The following KCNQ3 variants were observed in gnomAD, a reference collection of about 807,000 sequenced individuals.
KCNQ3 encodes potassium voltage-gated channel subfamily Q member 3, also known as potassium voltage-gated channel subfamily KQT member 3.
In KCNQ3, 30 loss-of-function variants were observed where a neutral mutation model predicts 92.5. The ratio of observed to expected loss-of-function variants is 0.32; its 90% confidence interval spans 0.24 to 0.44. The LOEUF (loss-of-function observed/expected upper bound fraction) is 0.44. KCNQ3 is among the 20% of genes least tolerant of loss of function. The pLI is 1.00. For missense variants in KCNQ3, 913 were observed against 1,140.3 expected, an observed-to-expected ratio of 0.80 and a Z score of 2.87; for synonymous variants, 450 against 468.8, an observed-to-expected ratio of 0.96 and a Z score of 0.52.
chr8:132,177,849 C>T (rs1826618407), intron 4 of KCNQ3, among the ~76,000 whole-genome samples: 2 of 152,206 alleles, frequency 1.3e-5, no homozygotes, highest in Admixed American at 6.5e-5. Context: ...GGAAGAGCTT[C>T]CTCCCAGCTC....
intron 1 of KCNQ3, among the ~76,000 whole-genome samples, chr8:132,339,599 T>C (rs944611769): frequency 1.3e-5 from 2 of 152,198 alleles, no homozygotes; most frequent in African/African-American, 4.8e-5. Flanking sequence ...CGGATGCCTG[T>C]AATCCCAGCT....
intron 1 of KCNQ3, among the ~76,000 whole-genome samples, chr8:132,304,581 TAAA>T (rs1817358071): frequency 6.6e-6 from 1 of 152,178 alleles, no homozygotes; most frequent in African/African-American, 2.4e-5. Context: ...TAAAGTTAAG[TAAA>T]ATTTTAAGGT....
intron 1 of KCNQ3, among the ~76,000 whole-genome samples, chr8:132,211,503 A>C (rs572608033): frequency 2.0e-5 from 3 of 152,160 alleles, no homozygotes; most frequent in Non-Finnish European, 4.4e-5. Context: ...TTAGTTCAAT[A>C]CTCTGATCTA....
chr8:132,409,927 T>C (rs1194519289), intron 1 of KCNQ3, among the ~76,000 whole-genome samples: 1 of 152,228 alleles, frequency 6.6e-6, no homozygotes, highest in African/African-American at 2.4e-5. Context: ...TTCAGAAGCA[T>C]TACTCATACA....
chr8:132,217,293 T>C (rs901981616), intron 1 of KCNQ3, among the ~76,000 whole-genome samples: 1 of 152,138 alleles, frequency 6.6e-6, no homozygotes, highest in Non-Finnish European at 1.5e-5. Context: ...ACTTCATTCA[T>C]TCATTCAACA....
rs762265502 is a variant in KCNQ3 at position 132,396,982 on chromosome 8, AAGAG to A, written c.386+83161_386+83164del. On this transcript the variant is annotated intron_variant, in intron 1 of 14. Transcript: ENST00000388996. The stretch of plus-strand genomic sequence containing the variant: ...TGTGTGTGTATGTGTGTGTGGGAGA[AAGAG>A]AGAGAGAGAGAGAGATTTAAGAGAG... Among the ~76,000 whole-genome samples, 817 of 148,268 alleles carry A rather than the reference AAGAG, an allele frequency of 5.5e-3. 8 individuals carry two copies. Among genetic ancestry groups the A allele is most frequent in the African/African-American group, 0.018 (730 of 40,576 alleles).
intron 1 of KCNQ3, among the ~76,000 whole-genome samples, chr8:132,250,681 G>T (rs965970524): frequency 6.6e-6 from 1 of 152,116 alleles, no homozygotes; most frequent in Non-Finnish European, 1.5e-5. Flanking sequence ...TTTCCAAGTG[G>T]ATTGGGTGGA....
At chr8:132,321,159 T>C (rs188290450) in intron 1 of KCNQ3, among the ~76,000 whole-genome samples, 1 of 152,234 alleles carries the variant, frequency 6.6e-6, no homozygotes, top group Non-Finnish European at 1.5e-5. Context: ...TCTCATGTTG[T>C]AGAAATTCCA....
intron 1 of KCNQ3, among the ~76,000 whole-genome samples, chr8:132,230,477 GA>G (rs1359652547): frequency 6.9e-6 from 1 of 145,484 alleles, no homozygotes; most frequent in Non-Finnish European, 1.5e-5. Flanking sequence ...GAGAGAGAGA[GA>G]GAGAAAATCC....
intron 9 of KCNQ3, among the ~76,000 whole-genome samples, chr8:132,143,912 A>T (rs989269432): frequency 2.0e-5 from 3 of 152,230 alleles, no homozygotes; most frequent in East Asian, 1.9e-4. Flanking sequence ...AAAAAGTTCA[A>T]CATTGTCATT....
intron 1 of KCNQ3, among the ~76,000 whole-genome samples, chr8:132,461,713 C>T (rs867484364): frequency 6.6e-6 from 1 of 152,168 alleles, no homozygotes; most frequent in African/African-American, 2.4e-5. Flanking sequence ...TTTTAGCCAC[C>T]CCCATTCAAA....
intron 1 of KCNQ3, among the ~76,000 whole-genome samples, chr8:132,258,118 G>A (rs572669357): frequency 1.6e-4 from 25 of 152,030 alleles, no homozygotes; most frequent in African/African-American, 3.1e-4. Context: ...GGCAGAAATC[G>A]ATAATGAAAC....
intron 1 of KCNQ3, among the ~76,000 whole-genome samples, chr8:132,436,216 T>C (rs911035057): frequency 1.3e-5 from 2 of 152,242 alleles, no homozygotes; most frequent in African/African-American, 2.4e-5. Context: ...TCAATAAAAT[T>C]GTAAATACTT....
At chr8:132,214,525 C>T (rs1040281221) in intron 1 of KCNQ3, among the ~76,000 whole-genome samples, 1 of 152,178 alleles carries the variant, frequency 6.6e-6, no homozygotes, top group Non-Finnish European at 1.5e-5. Context: ...CCTGTTTGTT[C>T]ACCCTTGACA....
intron 1 of KCNQ3, among the ~76,000 whole-genome samples, chr8:132,432,043 T>C (rs762677653): frequency 2.1e-4 from 32 of 152,342 alleles, no homozygotes; most frequent in Admixed American, 9.1e-4. Flanking sequence ...TGAGGGATCA[T>C]TGAGAACCAC....
chr8:132,191,590 T>C (rs999820691), intron 1 of KCNQ3, among the ~76,000 whole-genome samples: 3 of 72,054 alleles, frequency 4.2e-5, no homozygotes, highest in Non-Finnish European at 9.1e-5. Flanking sequence ...GAAAGATGGA[T>C]ATGTGTGTGT....
chr8:132,418,791 A>G (rs1563904296), intron 1 of KCNQ3, among the ~76,000 whole-genome samples: 1 of 152,232 alleles, frequency 6.6e-6, no homozygotes, highest in African/African-American at 2.4e-5. Context: ...GTCTCAAAAA[A>G]TAAATTAAAT....
At chr8:132,327,051 C>T (rs1818076301) in intron 1 of KCNQ3, among the ~76,000 whole-genome samples, 1 of 152,144 alleles carries the variant, frequency 6.6e-6, no homozygotes, top group East Asian at 1.9e-4. Context: ...ACAAAGGAAG[C>T]TTGACTGTTT....
intron 1 of KCNQ3, among the ~76,000 whole-genome samples, chr8:132,264,911 A>G (rs1366550799): frequency 6.6e-6 from 1 of 152,238 alleles, no homozygotes; most frequent in Non-Finnish European, 1.5e-5. Flanking sequence ...AAAATTCTTC[A>G]TAAGTTAGTT....
Sources: gnomAD v4.1 joint callset for allele counts (sites outside exome capture counted in the v4.1 genomes callset) on GRCh38, gnomAD v4.1.1 for gene constraint, MANE v1.5 for transcripts, NCBI Gene and HGNC (gene_info 2026-07-23, HGNC 2026-07-21) for gene names.